The following CSMD1 variants were observed in gnomAD, a reference collection of about 807,000 sequenced individuals.
CSMD1 encodes the protein CUB and sushi domain-containing protein 1.
A neutral mutation model predicts 417.5 loss-of-function variants in CSMD1; 213 were observed. That is an observed-to-expected ratio of 0.51 (90% CI 0.46 to 0.57). The LOEUF (loss-of-function observed/expected upper bound fraction) is 0.57, where lower values mean the gene tolerates loss of function less well. Among genes scored for constraint, CSMD1 ranks in the 20% least tolerant of loss-of-function variants. CSMD1 has a pLI of 0.00. For synonymous variants in CSMD1, 2,862 were observed against 1,736.8 expected (o/e 1.65, Z -16.11); for missense variants, 6,923 against 4,529.7 (o/e 1.53, Z -15.17).
chr8:3,719,746 T>C (rs1322356802), intron 6 of CSMD1, among the ~76,000 whole-genome samples: 1 of 152,184 alleles, frequency 6.6e-6, no homozygotes, highest in Non-Finnish European at 1.5e-5. Flanking sequence ...ATATACTGGC[T>C]GCTTTCCATT....
At chr8:3,507,776 T>A (rs189509963) in intron 10 of CSMD1, among the ~76,000 whole-genome samples, 5 of 152,176 alleles carry the variant, frequency 3.3e-5, no homozygotes, top group Non-Finnish European at 7.4e-5. Context: ...CATTTTTTCA[T>A]GTGTTTTTTT....
intron 1 of CSMD1, among the ~76,000 whole-genome samples, chr8:4,908,698 C>T (rs1334548972): frequency 6.8e-6 from 1 of 147,620 alleles, no homozygotes; most frequent in Admixed American, 6.9e-5. Context: ...ATGAGTCCAT[C>T]AGAGGTATTC....
rs76274385 is a variant in CSMD1 at position 4,353,950 on chromosome 8, T to C, written c.415+66003A>G. Among the ~76,000 whole-genome samples, 535 of 152,284 alleles carry C rather than the reference T, an allele frequency of 3.5e-3. 26 individuals carry two copies. The East Asian group carries it at 0.09, about 26-fold the overall frequency. On this transcript the variant is annotated intron_variant, in intron 3 of 69. Coordinates refer to ENST00000635120, the MANE Select transcript of CSMD1 (RefSeq NM_033225.6). ...ATTTGAGGTATATTAGGGAACTTCA[T>C]CAGCCCTCTATGATGATATATTGTT...
intron 2 of CSMD1, among the ~76,000 whole-genome samples, chr8:4,595,891 G>C (rs1229861244): frequency 6.6e-6 from 1 of 152,000 alleles, no homozygotes; most frequent in Non-Finnish European, 1.5e-5. Context: ...GAATGATCTT[G>C]CATGCAGCCA....
intron 2 of CSMD1, among the ~76,000 whole-genome samples, chr8:4,448,493 GCTCAGTCATTTTAAGTTCAGATTAGT>G: frequency 6.6e-6 from 1 of 152,160 alleles, no homozygotes; most frequent in African/African-American, 2.4e-5. Context: ...CAGAAAGGAA[GCTCAGTCATTTTAAGTTCAGATTAGT>G]ACATAAGTTT....
intron 1 of CSMD1, among the ~76,000 whole-genome samples, chr8:4,688,298 C>T (rs545286027): frequency 6.6e-6 from 1 of 152,114 alleles, no homozygotes; most frequent in South Asian, 2.1e-4. Context: ...TGTCAAAAAA[C>T]TGAAAAAGCA....
intron 1 of CSMD1, among the ~76,000 whole-genome samples, chr8:4,836,877 C>T (rs1800526617): frequency 6.6e-6 from 1 of 152,022 alleles, no homozygotes; most frequent in South Asian, 2.1e-4. Context: ...AAGCTTAGAG[C>T]CACCTCTCAC....
At chr8:4,281,308 T>C (rs963129751) in intron 3 of CSMD1, among the ~76,000 whole-genome samples, 4 of 152,206 alleles carry the variant, frequency 2.6e-5, no homozygotes, top group African/African-American at 4.8e-5. Flanking sequence ...GAAAACCTGA[T>C]AGTAACTGCG....
chr8:4,047,236 T>C (rs982293111), intron 3 of CSMD1, among the ~76,000 whole-genome samples: 36 of 152,184 alleles, frequency 2.4e-4, no homozygotes, highest in African/African-American at 7.9e-4. Context: ...CTAGTGTTCA[T>C]CAAAGTCATC....
rs1055600355 is a variant in CSMD1, at chr8:3,106,558, G to C, written c.6919C>G (p.Gln2307Glu). 2 of 1,613,666 alleles carry C rather than the reference G, an allele frequency of 1.2e-6. No homozygotes were observed. Among genetic ancestry groups the C allele is most frequent in the Admixed American group, 1.7e-5 (1 of 60,014 alleles). The change falls in exon 46 of 70, where the codon CAG becomes GAG. Residue 2307 changes from glutamine (Q) to glutamate (E), a missense_variant. Coordinates refer to ENST00000635120, the MANE Select transcript of CSMD1 (RefSeq NM_033225.6). ...ILTCKLSSQL[Q>E]FEGSLPTCEA... ...CATGTTGGGAGAGAACCCTCAAACT[G>C]CAACTGGGAACTGAGCTTGCAAGTC... is the stretch of plus-strand genomic sequence containing the variant.
chr8:4,384,105 G>A (rs1228196478), intron 3 of CSMD1, among the ~76,000 whole-genome samples: 2 of 152,054 alleles, frequency 1.3e-5, no homozygotes, highest in African/African-American at 4.8e-5. Flanking sequence ...CACACCTAAA[G>A]CATCAACACA....
intron 1 of CSMD1, among the ~76,000 whole-genome samples, chr8:4,863,494 T>G (rs1424530799): frequency 1.3e-5 from 2 of 152,072 alleles, no homozygotes; most frequent in East Asian, 1.9e-4. Context: ...TAACATTTAG[T>G]TCAGTGTTGA....
At chr8:3,469,448 T>G (rs1816962304) in intron 11 of CSMD1, among the ~76,000 whole-genome samples, 1 of 152,216 alleles carries the variant, frequency 6.6e-6, no homozygotes, top group African/African-American at 2.4e-5. Flanking sequence ...TATTAATGTC[T>G]GGGTCACACC....
chr8:3,026,332 G>A (rs1357202289), intron 51 of CSMD1, among the ~76,000 whole-genome samples: 15 of 152,188 alleles, frequency 9.9e-5, no homozygotes, highest in Admixed American at 9.8e-4. Flanking sequence ...GAACCTCACT[G>A]GACCTCGCTG....
At chr8:3,758,946 G>C (rs996548335) in intron 5 of CSMD1, among the ~76,000 whole-genome samples, 2 of 152,200 alleles carry the variant, frequency 1.3e-5, no homozygotes, top group African/African-American at 2.4e-5. Flanking sequence ...ACAAAGGTCA[G>C]AGTGACGCAT....
chr8:3,932,540 C>T lies in CSMD1; in HGVS notation c.818+65363G>A, dbSNP rs1052794769. 7.8e-4 allele frequency among the ~76,000 whole-genome samples: 118 copies of T among 150,624 alleles called. 6 individuals are homozygous for T. Among genetic ancestry groups the T allele is most frequent in the African/African-American group, 2.8e-3 (116 of 40,900 alleles). Reference sequence around the variant, plus strand: ...TAGCCTTATTAAATCAATCAAGCCCCACAATTAAAGTTCAATGCATTGCAG... The same window carrying T: ...TAGCCTTATTAAATCAATCAAGCCCTACAATTAAAGTTCAATGCATTGCAG... On this transcript the variant is annotated intron_variant, in intron 5 of 69. Transcript: ENST00000635120.
At chr8:4,632,485 C>G (rs988489820) in intron 2 of CSMD1, among the ~76,000 whole-genome samples, 2 of 152,150 alleles carry the variant, frequency 1.3e-5, no homozygotes, top group Non-Finnish European at 2.9e-5. Context: ...GCACTCCAGC[C>G]TGGGTGACAA....
intron 3 of CSMD1, among the ~76,000 whole-genome samples, chr8:4,282,521 G>C (rs1389829313): frequency 1.3e-5 from 2 of 152,144 alleles, no homozygotes; most frequent in East Asian, 1.9e-4. Context: ...CTTTGCGTTT[G>C]TAAAGCAACT....
intron 18 of CSMD1, among the ~76,000 whole-genome samples, chr8:3,376,367 C>A (rs762945651): frequency 1.3e-5 from 2 of 151,954 alleles, no homozygotes; most frequent in Non-Finnish European, 2.9e-5. Context: ...GGAAGGAAAG[C>A]ATTGATTATA....
Sources: gnomAD v4.1 joint callset for allele counts (sites outside exome capture counted in the v4.1 genomes callset) on GRCh38, gnomAD v4.1.1 for gene constraint, MANE v1.5 for transcripts, NCBI Gene and HGNC (gene_info 2026-07-23, HGNC 2026-07-21) for gene names.